The following PRSS12 variants were observed in gnomAD, a reference collection of about 807,000 sequenced individuals.
PRSS12 encodes serine protease 12, also known as neurotrypsin.
A neutral mutation model predicts 104.4 loss-of-function variants in PRSS12; 85 were observed. The observed-to-expected ratio is 0.81, with a 90% CI of 0.68 to 0.98. PRSS12 has a LOEUF of 0.98. Ranked by LOEUF, PRSS12 falls within the 50% of genes least tolerant of loss-of-function variation. The pLI, the probability that PRSS12 is intolerant of heterozygous loss-of-function variation, is 0.00. For missense variants in PRSS12, 1,141 were observed against 1,139.2 expected (o/e 1.00, Z -0.02); for synonymous variants, 454 against 425.2 (o/e 1.07, Z -0.83).
chr4:118,321,121 GTCCTAACACAAAGGAA>G (rs1723605580), intron 4 of PRSS12, among the ~76,000 whole-genome samples: 1 of 152,094 alleles, frequency 6.6e-6, no homozygotes, highest in Non-Finnish European at 1.5e-5. Context: ...TAATATTGGA[GTCCTAACACAAAGGAA>G]TCCTAACACA....
At chr4:118,316,628 C>T (rs1182111474) in intron 5 of PRSS12, among the ~76,000 whole-genome samples, 1 of 151,764 alleles carries the variant, frequency 6.6e-6, no homozygotes, top group Non-Finnish European at 1.5e-5. Flanking sequence ...TCGAGATCAG[C>T]CTGGCCAACA....
intron 4 of PRSS12, among the ~76,000 whole-genome samples, chr4:118,327,194 A>T (rs548783207): frequency 1.7e-4 from 26 of 152,182 alleles, no homozygotes; most frequent in African/African-American, 6.0e-4. Flanking sequence ...TTACTCTGTC[A>T]CCCACGCTGG....
chr4:118,298,883 G>A lies in PRSS12; in HGVS notation c.1687C>T (p.His563Tyr). 6.2e-7 allele frequency: 1 copy of A among 1,614,130 alleles called. No individual in the cohort carries two copies. Among genetic ancestry groups the A allele is most frequent in the Non-Finnish European group, 8.5e-7 (1 of 1,180,020 alleles). ...AYFGEGKGPI[H>Y]VDNVKCTGNE... is the part of the protein sequence containing the mutation. ...CCTGTGCACTTCACATTATCCACAT[G>A]GATGGGTCCTTTTCCTTCTCCAAAG... The change falls in exon 9 of 13, where the codon CAT (histidine) becomes TAT (tyrosine). Residue 563 changes from histidine to tyrosine, a missense_variant. Coordinates refer to ENST00000296498, the MANE Select transcript of PRSS12 (RefSeq NM_003619.4).
At position 118,331,867 on chromosome 4, in the gene PRSS12, C is replaced by T. The variant is rs147303693; in HGVS notation, c.821-1G>A. 931 of 1,613,866 alleles carry T rather than the reference C, an allele frequency of 5.8e-4. 10 individuals are homozygous for T. The highest frequency in any genetic ancestry group is 7.5e-4 in the South Asian group (68 of 91,066). The stretch of plus-strand genomic sequence containing the variant: ...AGGCGAATGATGGGGAACGTTGGGC[C>T]TGTGCAATGTGAAGTTAAAAATAAG... On this transcript the variant is annotated splice_acceptor_variant, in intron 3 of 12. Transcript: ENST00000296498. LOFTEE classifies it high-confidence loss of function.
intron 8 of PRSS12, among the ~76,000 whole-genome samples, chr4:118,307,514 T>A (rs1743586854): frequency 6.6e-6 from 1 of 152,230 alleles, no homozygotes; most frequent in Admixed American, 6.5e-5. Flanking sequence ...ATACATATTA[T>A]CTTAAATTTA....
intron 7 of PRSS12, among the ~76,000 whole-genome samples, chr4:118,311,002 G>T (rs1300356768): frequency 3.9e-5 from 6 of 152,118 alleles, no homozygotes; most frequent in African/African-American, 1.4e-4. Flanking sequence ...AGTGAGCCGA[G>T]ATTGCGCCAC....
chr4:118,348,444 C>T (rs72903205), intron 1 of PRSS12, among the ~76,000 whole-genome samples: 3,211 of 152,256 alleles, frequency 0.021, 112 homozygotes, highest in African/African-American at 0.073. Context: ...ATGTGTTCTG[C>T]CTGACTGTGA....
rs753275415 is a variant in PRSS12 at position 118,316,216 on chromosome 4, T to C, written c.1258A>G (p.Asn420Asp). The change falls in exon 6 of 13, where the codon AAT becomes GAT. Residue 420 changes from asparagine (N) to aspartate (D), a missense_variant. Physicochemically the swap from Asn to Asp is conservative, Grantham distance 23. Coordinates refer to ENST00000296498, the MANE Select transcript of PRSS12 (RefSeq NM_003619.4). ...TVCDDGWTEL[N>D]TYVVCRQLGF... Reference sequence around the variant, plus strand: ...AATTGTCGACAAACCACGTATGTATTCAGCTCAGTCCAGCCATCATCACAG... The same window carrying C: ...AATTGTCGACAAACCACGTATGTATCCAGCTCAGTCCAGCCATCATCACAG... 6.2e-7 allele frequency: 1 copy of C among 1,614,136 alleles called. No homozygotes were observed.
intron 1 of PRSS12, among the ~76,000 whole-genome samples, chr4:118,346,513 C>T (rs1724360829): frequency 6.6e-6 from 1 of 151,204 alleles, no homozygotes; most frequent in African/African-American, 2.4e-5. Context: ...TGCATAATAT[C>T]CATCAAATGC....
chr4:118,319,053 TTTTG>T (rs1237404850), intron 4 of PRSS12, among the ~76,000 whole-genome samples: 1 of 152,054 alleles, frequency 6.6e-6, no homozygotes, highest in African/African-American at 2.4e-5. Context: ...GACGCCTAAG[TTTTG>T]TTTTTCTTTT....
chr4:118,310,072 A>G (rs1162724989), intron 7 of PRSS12, among the ~76,000 whole-genome samples: 1 of 152,192 alleles, frequency 6.6e-6, no homozygotes, highest in Non-Finnish European at 1.5e-5. Flanking sequence ...TATCAGCTGG[A>G]TAAAAACTTG....
At chr4:118,346,909 G>A (rs950589594) in intron 1 of PRSS12, among the ~76,000 whole-genome samples, 9 of 152,172 alleles carry the variant, frequency 5.9e-5, no homozygotes, top group Admixed American at 4.6e-4. Context: ...GGTCCCTGGT[G>A]CCAAAAAGGT....
chr4:118,345,819 A>G (rs893566734), intron 1 of PRSS12, among the ~76,000 whole-genome samples: 4 of 152,216 alleles, frequency 2.6e-5, no homozygotes, highest in African/African-American at 9.7e-5. Context: ...TTTCCCAAAT[A>G]TAAGGACAAG....
intron 4 of PRSS12, among the ~76,000 whole-genome samples, chr4:118,325,725 C>G (rs1274962918): frequency 2.0e-5 from 3 of 152,028 alleles, no homozygotes; most frequent in Non-Finnish European, 1.5e-5. Flanking sequence ...TTTGATAAAG[C>G]TGTGTGTTCT....
intron 4 of PRSS12, among the ~76,000 whole-genome samples, chr4:118,331,070 A>C (rs1261801215): frequency 6.6e-6 from 1 of 152,194 alleles, no homozygotes; most frequent in Non-Finnish European, 1.5e-5. Context: ...TTAACTTTTA[A>C]AAGATCCCCC....
At chr4:118,332,721 G>A (rs563745685) in intron 3 of PRSS12, among the ~76,000 whole-genome samples, 7 of 152,144 alleles carry the variant, frequency 4.6e-5, no homozygotes, top group Non-Finnish European at 8.8e-5. Flanking sequence ...CTAGTATACA[G>A]AGGCATATAA....
At chr4:118,347,338 T>G (rs886269435) in intron 1 of PRSS12, among the ~76,000 whole-genome samples, 9 of 152,214 alleles carry the variant, frequency 5.9e-5, no homozygotes, top group Non-Finnish European at 1.2e-4. Context: ...TGGAATTCAA[T>G]GAGTACAGCC....
Position 118,318,426 on chromosome 4 carries a change from T to C in PRSS12, c.1102A>G (p.Asn368Asp), listed in dbSNP as rs371185182. ...QCPKSSWGEH[N>D]CGHKEDAGVS... is the part of the protein sequence containing the mutation. The stretch of plus-strand genomic sequence containing the variant: ...CCAGCATCTTCTTTATGGCCACAGT[T>C]ATGCTCTCCCCAGGAGCTCTTTGGA... Residue 368 changes from asparagine (N) to aspartate (D), a missense_variant, in exon 5 of 13, where the codon AAC becomes GAC. Asn to Asp is a conservative substitution (Grantham distance 23). Transcript: ENST00000296498. 5 of 1,613,990 alleles carry C rather than the reference T, an allele frequency of 3.1e-6. No individual in the cohort carries two copies. The African/African-American group carries it at 5.3e-5, about 17-fold the overall frequency.
intron 7 of PRSS12, 103 bp downstream of exon 7, chr4:118,313,098 C>CA (rs548258827): frequency 1.5e-4 from 216 of 1,406,504 alleles, no homozygotes; most frequent in Admixed American, 4.0e-4. Context: ...AAATAGACCC[C>CA]AAAAAAAGCC....
Sources: gnomAD v4.1 joint callset for allele counts (sites outside exome capture counted in the v4.1 genomes callset) on GRCh38, gnomAD v4.1.1 for gene constraint, MANE v1.5 for transcripts, NCBI Gene and HGNC (gene_info 2026-07-23, HGNC 2026-07-21) for gene names.